Variants in COX4I1 observed in about 807,000 individuals in gnomAD.
The protein encoded by COX4I1 is cytochrome c oxidase subunit 4 isoform 1, mitochondrial.
Under a neutral mutation model 21.7 loss-of-function variants are expected in COX4I1, and 18 were observed. The observed-to-expected ratio is 0.83, with a 90% CI of 0.57 to 1.23. COX4I1 has a LOEUF of 1.23. COX4I1 is among the 50% of genes most tolerant of loss of function. The probability of loss-of-function intolerance (pLI) is 0.00; values close to 1 mark genes in which losing one functional copy is unlikely to be tolerated. For synonymous variants in COX4I1, 100 were observed against 81.5 expected, an observed-to-expected ratio of 1.23 and a Z score of -1.23; for missense variants, 238 against 220.7, an observed-to-expected ratio of 1.08 and a Z score of -0.50.
chr16:85,806,066 T>C, intron 4 of COX4I1: 2 of 680,880 alleles, frequency 2.9e-6, no homozygotes, highest in South Asian at 3.8e-5. Context: ...CAGCATCTGA[T>C]TATTCATAGC....
intron 2 of COX4I1, among the ~76,000 whole-genome samples, chr16:85,801,610 C>A (rs965906033): frequency 6.6e-6 from 1 of 152,144 alleles, no homozygotes; most frequent in Non-Finnish European, 1.5e-5. Flanking sequence ...ACCTTGCCCC[C>A]ACAACTCCCA....
At chr16:85,806,167 A>G (rs961721720) in intron 4 of COX4I1, 2 of 582,814 alleles carry the variant, frequency 3.4e-6, no homozygotes, top group Admixed American at 3.1e-5. Flanking sequence ...TCACTTAGCG[A>G]AAGATGACTT....
chr16:85,801,260 G>A lies in COX4I1; in HGVS notation c.55G>A (p.Val19Met), dbSNP rs142776923. The stretch of plus-strand genomic sequence containing the variant: ...TGGCAAGCGAGCAATTTCCACCTCT[G>A]TGTGTGTACGAGCTCATGGTAAGTG... Reference protein sequence around the residue: ...LVGKRAISTSVCVRAHESVVK... With the variant: ...LVGKRAISTSMCVRAHESVVK... The change falls in exon 2 of 5, where the codon GTG becomes ATG. Residue 19 changes from valine to methionine, a missense_variant. Transcript: ENST00000253452. 4 of 1,610,654 alleles carry A rather than the reference G, an allele frequency of 2.5e-6. No homozygotes were observed. Among genetic ancestry groups the A allele is most frequent in the Non-Finnish European group, 3.4e-6 (4 of 1,177,184 alleles).
chr16:85,806,651 T>C (rs1285606519), intron 4 of COX4I1, 87 bp from the exon 5 acceptor site: 145 of 1,607,772 alleles, frequency 9.0e-5, no homozygotes, highest in Non-Finnish European at 1.2e-4. Flanking sequence ...GTGGCTGGTG[T>C]GTCGGGAGGA....
At chr16:85,800,053 G>A (rs1597213558) in intron 1 of COX4I1, among the ~76,000 whole-genome samples, 1 of 150,954 alleles carries the variant, frequency 6.6e-6, no homozygotes, top group East Asian at 1.9e-4. Context: ...CGGGGAGGCG[G>A]GCCCGCGCTC....
chr16:85,803,809 C>T (rs964765540), intron 2 of COX4I1: 1 of 152,274 alleles, frequency 6.6e-6, no homozygotes, highest in African/African-American at 2.4e-5. Flanking sequence ...TCTGTGACTC[C>T]TGAGTGCACG....
intron 4 of COX4I1, 91 bp from the exon 5 acceptor site, chr16:85,806,647 G>C: frequency 1.2e-6 from 2 of 1,603,672 alleles, no homozygotes; most frequent in East Asian, 4.5e-5. Context: ...CCTGGTGGCT[G>C]GTGTGTCGGG....
chr16:85,801,684 A>T (rs946442940), intron 2 of COX4I1, among the ~76,000 whole-genome samples: 1 of 152,180 alleles, frequency 6.6e-6, no homozygotes, highest in African/African-American at 2.4e-5. Flanking sequence ...TGGACTTCCT[A>T]GCCTGAGCTG....
chr16:85,806,832 A>C lies in COX4I1; in HGVS notation c.468A>C (p.Leu156Phe), dbSNP rs767772859. The C allele has an allele frequency of 6.2e-7, 1 of 1,614,226 alleles. No individual in the cohort carries two copies. The highest frequency in any genetic ancestry group is 1.1e-5 in the South Asian group (1 of 91,076). Residue 156 changes from leucine (L) to phenylalanine (F), a missense_variant, in exon 5 of 5, where the codon TTA (leucine) becomes TTC (phenylalanine). By Grantham distance (22) the Leu-to-Phe change is conservative. Coordinates refer to ENST00000253452, the MANE Select transcript of COX4I1 (RefSeq NM_001861.6). Reference protein sequence around the residue: ...LDMKVNPIQGLASKWDYEKNE... With the variant: ...LDMKVNPIQGFASKWDYEKNE... ...TGAAGGTGAACCCCATCCAGGGCTT[A>C]GCCTCCAAGTGGGACTACGAAAAGA... is the stretch of plus-strand genomic sequence containing the variant.
At chr16:85,804,679 A>C in intron 2 of COX4I1, 1 of 359,766 alleles carries the variant, frequency 2.8e-6, no homozygotes, top group South Asian at 3.4e-5. Context: ...TTAATGTAGG[A>C]AGTGCTGCCT....
intron 2 of COX4I1, 107 bp downstream of exon 2, chr16:85,801,385 G>A: frequency 1.1e-6 from 1 of 904,988 alleles, no homozygotes; most frequent in Non-Finnish European, 1.8e-6. Flanking sequence ...TTCGGCTCTT[G>A]AGGGTCTTTA....
At chr16:85,805,355 TG>T in intron 3 of COX4I1, 1 of 532,998 alleles carries the variant, frequency 1.9e-6, no homozygotes, top group East Asian at 3.1e-5. Context: ...TCAGCATATC[TG>T]CTGGGTAAGA....
chr16:85,800,278 A>G (rs759043813), intron 1 of COX4I1, among the ~76,000 whole-genome samples: 1 of 152,212 alleles, frequency 6.6e-6, no homozygotes, highest in East Asian at 1.9e-4. Flanking sequence ...ATTTCCCCAC[A>G]TCACTCTCAC....
At chr16:85,803,948 A>G (rs989058954) in intron 2 of COX4I1, 19 of 152,204 alleles carry the variant, frequency 1.2e-4, no homozygotes, top group African/African-American at 3.9e-4. Context: ...CAAACATGTG[A>G]TTTGCACATT....
intron 2 of COX4I1, chr16:85,803,406 A>G (rs1386875583): frequency 6.6e-6 from 1 of 152,252 alleles, no homozygotes; most frequent in Non-Finnish European, 1.5e-5. Context: ...TACTGTTCAC[A>G]TGATTTGGGT....
chr16:85,803,160 TG>T (rs1212523231), intron 2 of COX4I1: 1 of 152,238 alleles, frequency 6.6e-6, no homozygotes, highest in Non-Finnish European at 1.5e-5. Context: ...GTGCTGAACT[TG>T]ATAAAAATAT....
rs1567843713 is a variant in COX4I1, at chr16:85,805,065, GCCT to G, written c.206_208del (p.Ser69del). On this transcript the variant is annotated inframe_deletion, in exon 3 of 5. Coordinates refer to ENST00000253452, the MANE Select transcript of COX4I1 (RefSeq NM_001861.6). Reference sequence around the variant, plus strand: ...GAAGGCATTGAAGGAGAAGGAGAAGGCCTCCTGGAGCAGCCTCTCCATGGATGA... The same window carrying G: ...GAAGGCATTGAAGGAGAAGGAGAAGGCCTGGAGCAGCCTCTCCATGGATGA... 1 of 1,613,446 alleles carries G rather than the reference GCCT, an allele frequency of 6.2e-7. No homozygotes were observed. Among genetic ancestry groups the G allele is most frequent in the Non-Finnish European group, 8.5e-7 (1 of 1,179,546 alleles).
chr16:85,805,175 C>A, intron 3 of COX4I1, 71 bp downstream of exon 3: 1 of 1,437,388 alleles, frequency 7.0e-7, no homozygotes, highest in South Asian at 1.4e-5. Context: ...AGCCTCTGCT[C>A]ACTTCTGGGC....
rs1026235557 is a variant in COX4I1, at chr16:85,806,092, G to A, written c.373+228G>A. On this transcript the variant is annotated intron_variant, in intron 4 of 4. Transcript: ENST00000253452. The stretch of plus-strand genomic sequence containing the variant: ...TATTCATAGCCATGCTTGTTGGGTG[G>A]TGAAATACCTTAACTACTTTGTACA... The A allele has an allele frequency of 1.6e-5, 10 of 624,224 alleles. 1 individual carries two copies. The Admixed American group carries it at 2.7e-4, about 17-fold the overall frequency. The allele number at this position is 624,224 out of a possible 1,614,324, so 38.7% of individuals were successfully genotyped here.
Sources: gnomAD v4.1 joint callset for allele counts (sites outside exome capture counted in the v4.1 genomes callset) on GRCh38, gnomAD v4.1.1 for gene constraint, MANE v1.5 for transcripts, NCBI Gene and HGNC (gene_info 2026-07-23, HGNC 2026-07-21) for gene names.